The following TRABD2B variants were observed in gnomAD, a reference collection of about 807,000 sequenced individuals.
The protein encoded by TRABD2B is TraB domain containing 2B, also known as metalloprotease TIKI2.
In TRABD2B, 14 loss-of-function variants were observed where a neutral mutation model predicts 40.1. That is an observed-to-expected ratio of 0.35 (90% CI 0.23 to 0.55). The LOEUF (loss-of-function observed/expected upper bound fraction) is 0.55, where lower values mean the gene tolerates loss of function less well. Among genes scored for constraint, TRABD2B ranks in the 20% least tolerant of loss-of-function variants. TRABD2B has a pLI of 0.90. For synonymous variants in TRABD2B, 263 were observed against 277.0 expected (o/e 0.95, Z 0.50); for missense variants, 541 against 648.6 (o/e 0.83, Z 1.80).
intron 2 of TRABD2B, among the ~76,000 whole-genome samples, chr1:47,937,343 C>T (rs1285508560): frequency 6.6e-6 from 1 of 151,880 alleles, no homozygotes; most frequent in Non-Finnish European, 1.5e-5. Context: ...TCATGATCAT[C>T]ATCATCACCA....
rs976811202 is a variant in TRABD2B, at chr1:47,808,358, C to T, written c.667-6739G>A. On this transcript the variant is annotated intron_variant, in intron 2 of 6. Transcript: ENST00000606738. The stretch of plus-strand genomic sequence containing the variant: ...ATATATTTACAGAGATACATACACA[C>T]ATACATATATTCTATTGGTTCTGTT... 2.6e-5 allele frequency among the ~76,000 whole-genome samples: 4 copies of T among 152,102 alleles called. 1 individual carries two copies. The East Asian group carries it at 5.8e-4, about 22-fold the overall frequency.
intron 2 of TRABD2B, among the ~76,000 whole-genome samples, chr1:47,978,045 G>T (rs538178593): frequency 6.6e-6 from 1 of 152,070 alleles, no homozygotes; most frequent in African/African-American, 2.4e-5. Flanking sequence ...CCAAATTTGT[G>T]TCCCTCCCCA....
At chr1:47,780,368 C>A (rs1482867405) in intron 4 of TRABD2B, among the ~76,000 whole-genome samples, 3 of 152,154 alleles carry the variant, frequency 2.0e-5, no homozygotes. Flanking sequence ...TTCCAGAGAC[C>A]CTTATGAAAA....
chr1:47,930,931 A>G (rs1645032284), intron 2 of TRABD2B, among the ~76,000 whole-genome samples: 1 of 152,074 alleles, frequency 6.6e-6, no homozygotes, highest in Non-Finnish European at 1.5e-5. Context: ...CCCCTTCCTG[A>G]TGGGAGCAAT....
chr1:47,927,782 G>A (rs1395122342), intron 2 of TRABD2B, among the ~76,000 whole-genome samples: 2 of 152,222 alleles, frequency 1.3e-5, no homozygotes, highest in African/African-American at 4.8e-5. Flanking sequence ...TGCGAAATGG[G>A]AGACATTCTC....
chr1:47,791,012 C>G (rs571216052), intron 4 of TRABD2B, among the ~76,000 whole-genome samples: 8 of 152,322 alleles, frequency 5.3e-5, no homozygotes, highest in African/African-American at 1.7e-4. Context: ...TACACCCAGG[C>G]CTCCTGACCC....
chr1:47,932,805 G>A (rs919759810), intron 2 of TRABD2B, among the ~76,000 whole-genome samples: 23 of 152,204 alleles, frequency 1.5e-4, no homozygotes, highest in Admixed American at 1.5e-3. Flanking sequence ...CTGAACATGG[G>A]GATTAATGAT....
At chr1:47,793,522 C>G (rs780110134) in intron 4 of TRABD2B, among the ~76,000 whole-genome samples, 50 of 152,320 alleles carry the variant, frequency 3.3e-4, no homozygotes, top group South Asian at 2.1e-4. Flanking sequence ...ACTGACTGCT[C>G]GCCCTGGAGG....
chr1:47,927,766 C>T (rs954330546), intron 2 of TRABD2B, among the ~76,000 whole-genome samples: 3 of 152,222 alleles, frequency 2.0e-5, no homozygotes, highest in African/African-American at 7.2e-5. Context: ...CCTCTGATTC[C>T]TCATCTGCGA....
intron 2 of TRABD2B, among the ~76,000 whole-genome samples, chr1:47,853,457 T>G (rs2124528832): frequency 6.6e-6 from 1 of 152,278 alleles, no homozygotes; most frequent in Middle Eastern, 3.4e-3. Flanking sequence ...GTCACTGAAC[T>G]TGGAGGCTGA....
intron 2 of TRABD2B, among the ~76,000 whole-genome samples, chr1:47,948,555 C>A (rs1645293228): frequency 6.6e-6 from 1 of 152,094 alleles, no homozygotes; most frequent in South Asian, 2.1e-4. Context: ...TCTTTCCAAC[C>A]CTTTAGGTTT....
chr1:47,980,161 TGTGA>T (rs1645820735), intron 2 of TRABD2B, among the ~76,000 whole-genome samples: 2 of 152,192 alleles, frequency 1.3e-5, no homozygotes, highest in Non-Finnish European at 2.9e-5. Flanking sequence ...GTTCTCCACA[TGTGA>T]GTGTTATGAG....
At chr1:47,973,489 CT>C (rs1196100012) in intron 2 of TRABD2B, among the ~76,000 whole-genome samples, 1 of 152,210 alleles carries the variant, frequency 6.6e-6, no homozygotes, top group Non-Finnish European at 1.5e-5. Flanking sequence ...CCACATAGTA[CT>C]TGAAATTTTA....
intron 2 of TRABD2B, among the ~76,000 whole-genome samples, chr1:47,808,014 A>C (rs894912091): frequency 8.5e-5 from 13 of 152,202 alleles, no homozygotes; most frequent in African/African-American, 2.7e-4. Context: ...ATATTTGGTC[A>C]AACTTTTTTT....
At chr1:47,821,309 C>T (rs975548502) in intron 2 of TRABD2B, among the ~76,000 whole-genome samples, 18 of 152,298 alleles carry the variant, frequency 1.2e-4, no homozygotes, top group African/African-American at 2.6e-4. Flanking sequence ...GGTTCAAGTC[C>T]CCCTGAACAT....
chr1:47,861,042 C>T (rs1051689674), intron 2 of TRABD2B, among the ~76,000 whole-genome samples: 2 of 152,224 alleles, frequency 1.3e-5, no homozygotes, highest in Non-Finnish European at 2.9e-5. Context: ...TGGTGATCAT[C>T]TCTTCCAATT....
At chr1:47,857,410 G>A (rs1557617235) in intron 2 of TRABD2B, among the ~76,000 whole-genome samples, 1 of 152,134 alleles carries the variant, frequency 6.6e-6, no homozygotes, top group South Asian at 2.1e-4. Context: ...CTGCCCCACC[G>A]TGTGCCTACC....
intron 2 of TRABD2B, among the ~76,000 whole-genome samples, chr1:47,911,229 C>A (rs1468560244): frequency 6.6e-6 from 1 of 152,160 alleles, no homozygotes; most frequent in Non-Finnish European, 1.5e-5. Flanking sequence ...TAAAGGGACA[C>A]CTCAGCAGGG....
chr1:47,762,104 G>A lies in TRABD2B; in HGVS notation c.*3798C>T, dbSNP rs1236257515. The A allele has an allele frequency of 2.0e-5, 3 of 152,248 alleles. No individual in the cohort carries two copies. The highest frequency in any genetic ancestry group is 7.2e-5 in the African/African-American group (3 of 41,452). The allele number at this position is 152,248 out of a possible 1,614,324, so 9.4% of individuals were successfully genotyped here. ...GCTTCCTGGAGGAAGTGCTATCTGT[G>A]TTGATCCTCAATGGATGAGCAGTTA... On this transcript the variant is annotated 3_prime_UTR_variant, in exon 7 of 7. Transcript: ENST00000606738.
Sources: gnomAD v4.1 joint callset for allele counts (sites outside exome capture counted in the v4.1 genomes callset) on GRCh38, gnomAD v4.1.1 for gene constraint, MANE v1.5 for transcripts, NCBI Gene and HGNC (gene_info 2026-07-23, HGNC 2026-07-21) for gene names.